RALYL: variants seen among roughly 807,000 people sequenced by gnomAD.
RALYL encodes the protein RALY RNA binding protein like, also known as RNA-binding Raly-like protein.
A neutral mutation model predicts 35.1 loss-of-function variants in RALYL; 29 were observed. That is an observed-to-expected ratio of 0.83 (90% confidence interval 0.61 to 1.13). The LOEUF (loss-of-function observed/expected upper bound fraction) is 1.13. Among genes scored for constraint, RALYL ranks in the 50% most tolerant of loss-of-function variants. The probability of loss-of-function intolerance (pLI) is 0.00; values close to 1 mark genes in which losing one functional copy is unlikely to be tolerated. For synonymous variants in RALYL, 120 were observed against 127.6 expected (o/e 0.94, Z 0.40); for missense variants, 359 against 360.4 (o/e 1.00, Z 0.03).
Position 84,454,198 on chromosome 8 carries a change from A to G in RALYL, c.-23-75101A>G, listed in dbSNP as rs1301882311. Among the ~76,000 whole-genome samples the G allele has an allele frequency of 2.0e-5, 3 of 152,026 alleles. No homozygotes were observed. In the East Asian group the frequency reaches 5.8e-4, roughly 30 times the overall value. The stretch of plus-strand genomic sequence containing the variant: ...CTTTCAGGTAGGGCAGAGAGCATGG[A>G]TGGAAAGCTAGCTAGAGCAGAGTCA... On this transcript the variant is annotated intron_variant, in intron 1 of 8. Coordinates refer to ENST00000521268, the MANE Select transcript of RALYL (RefSeq NM_173848.7).
chr8:84,824,387 T>C (rs1829199316), intron 4 of RALYL, among the ~76,000 whole-genome samples: 1 of 152,164 alleles, frequency 6.6e-6, no homozygotes, highest in African/African-American at 2.4e-5. Flanking sequence ...AAAAACATTC[T>C]ATGGCTCATG....
At chr8:84,731,413 G>T (rs1174542243) in intron 2 of RALYL, among the ~76,000 whole-genome samples, 4 of 152,064 alleles carry the variant, frequency 2.6e-5, no homozygotes, top group Non-Finnish European at 5.9e-5. Flanking sequence ...CTCTATTTTG[G>T]GGTACAGAGA....
chr8:84,237,943 G>A (rs867449051), intron 1 of RALYL, among the ~76,000 whole-genome samples: 20 of 150,450 alleles, frequency 1.3e-4, no homozygotes, highest in Admixed American at 2.0e-4. Context: ...TAAAATGAAA[G>A]TAATTGGAAA....
At chr8:84,649,887 A>T (rs1039802140) in intron 2 of RALYL, among the ~76,000 whole-genome samples, 13 of 152,152 alleles carry the variant, frequency 8.5e-5, no homozygotes, top group African/African-American at 3.1e-4. Flanking sequence ...GGCCATTTTC[A>T]TGATATTGAT....
chr8:84,515,002 G>A (rs1353403431), intron 1 of RALYL, among the ~76,000 whole-genome samples: 1 of 152,164 alleles, frequency 6.6e-6, no homozygotes, highest in African/African-American at 2.4e-5. Context: ...CAGTAGGTTA[G>A]AGAGTATCAG....
At chr8:84,807,158 C>G (rs548375580) in intron 4 of RALYL, among the ~76,000 whole-genome samples, 2 of 152,282 alleles carry the variant, frequency 1.3e-5, no homozygotes, top group Admixed American at 6.5e-5. Context: ...GCCCTCACCC[C>G]CCTCCCAACC....
chr8:84,914,895 T>C (rs6991752), intron 8 of RALYL, among the ~76,000 whole-genome samples: 3,362 of 152,066 alleles, frequency 0.022, 127 homozygotes, highest in African/African-American at 0.076. Flanking sequence ...ACATAAAGAT[T>C]ATCTGTGCTA....
chr8:84,419,255 T>A (rs1169424369), intron 1 of RALYL, among the ~76,000 whole-genome samples: 1 of 152,140 alleles, frequency 6.6e-6, no homozygotes, highest in East Asian at 1.9e-4. Flanking sequence ...TTCACCATAA[T>A]TTATGACATC....
At chr8:84,471,025 C>T (rs138543990) in intron 1 of RALYL, among the ~76,000 whole-genome samples, 1 of 152,210 alleles carries the variant, frequency 6.6e-6, no homozygotes, top group African/African-American at 2.4e-5. Context: ...TCATCATTGC[C>T]TCTTTTCTGT....
At chr8:84,582,481 A>C (rs913949224) in intron 2 of RALYL, among the ~76,000 whole-genome samples, 1 of 152,110 alleles carries the variant, frequency 6.6e-6, no homozygotes, top group Non-Finnish European at 1.5e-5. Flanking sequence ...TAACTGAAAA[A>C]AAAAGGCCAG....
At chr8:84,443,744 T>A (rs529075341) in intron 1 of RALYL, among the ~76,000 whole-genome samples, 2 of 152,234 alleles carry the variant, frequency 1.3e-5, no homozygotes, top group East Asian at 3.9e-4. Context: ...TTTGAATTTA[T>A]CTTGATGCAC....
chr8:84,876,330 C>G (rs1410699936), intron 7 of RALYL, among the ~76,000 whole-genome samples: 2 of 152,132 alleles, frequency 1.3e-5, no homozygotes, highest in Admixed American at 6.5e-5. Flanking sequence ...GTGAATCCAC[C>G]ATGCATGTAT....
chr8:84,338,743 T>C (rs1413802637), intron 1 of RALYL, among the ~76,000 whole-genome samples: 1 of 152,128 alleles, frequency 6.6e-6, no homozygotes, highest in Non-Finnish European at 1.5e-5. Flanking sequence ...ACTAACACAT[T>C]GTCTGACATA....
At chr8:84,730,128 A>G (rs1845856070) in intron 2 of RALYL, among the ~76,000 whole-genome samples, 1 of 152,140 alleles carries the variant, frequency 6.6e-6, no homozygotes, top group Non-Finnish European at 1.5e-5. Context: ...TGATGCAAAA[A>G]TCCTCAATAA....
At chr8:84,444,910 AG>A (rs2048704286) in intron 1 of RALYL, among the ~76,000 whole-genome samples, 1 of 152,116 alleles carries the variant, frequency 6.6e-6, no homozygotes, top group Non-Finnish European at 1.5e-5. Flanking sequence ...TATTCTTTTG[AG>A]AACTTAGATT....
intron 2 of RALYL, chr8:84,679,015 C>A (rs918535833): frequency 8.8e-6 from 3 of 339,182 alleles, no homozygotes; most frequent in South Asian, 2.7e-5. Flanking sequence ...ACTAGCCTGG[C>A]CACCACCAGC....
chr8:84,204,167 T>C (rs1470854503), intron 1 of RALYL, among the ~76,000 whole-genome samples: 1 of 152,034 alleles, frequency 6.6e-6, no homozygotes, highest in Non-Finnish European at 1.5e-5. Context: ...AGAAATATCA[T>C]GTAGAGATTG....
At chr8:84,636,117 C>T (rs1305707525) in intron 2 of RALYL, among the ~76,000 whole-genome samples, 4 of 151,714 alleles carry the variant, frequency 2.6e-5, no homozygotes, top group Non-Finnish European at 4.4e-5. Context: ...TCTTTAGAGG[C>T]TCTGCTCCTT....
At chr8:84,305,682 C>G (rs1261419238) in intron 1 of RALYL, among the ~76,000 whole-genome samples, 5 of 152,124 alleles carry the variant, frequency 3.3e-5, no homozygotes. Flanking sequence ...CCGGTCTCAT[C>G]CCCTATCTTC....
Sources: gnomAD v4.1 joint callset for allele counts (sites outside exome capture counted in the v4.1 genomes callset) on GRCh38, gnomAD v4.1.1 for gene constraint, MANE v1.5 for transcripts, NCBI Gene and HGNC (gene_info 2026-07-23, HGNC 2026-07-21) for gene names.